VPS13A: variants seen among roughly 807,000 people sequenced by gnomAD.
VPS13A encodes intermembrane lipid transfer protein VPS13A.
In VPS13A, 264 loss-of-function variants were observed where a neutral mutation model predicts 390.9. That is an observed-to-expected ratio of 0.68 (90% CI 0.61 to 0.75). VPS13A has a LOEUF of 0.75. Ranked by LOEUF, VPS13A falls within the 30% of genes least tolerant of loss-of-function variation. The pLI, the probability that VPS13A is intolerant of heterozygous loss-of-function variation, is 0.00. For synonymous variants in VPS13A, 1,231 were observed against 1,227.1 expected, an observed-to-expected ratio of 1.00 and a Z score of -0.07; for missense variants, 3,409 against 3,733.9, an observed-to-expected ratio of 0.91 and a Z score of 2.27.
rs145416578 is a variant in VPS13A, at chr9:77,305,228, A to G, written c.3960+2166A>G. Among the ~76,000 whole-genome samples, 526 of 152,220 alleles carry G rather than the reference A, an allele frequency of 3.5e-3. 3 individuals carry two copies. Among genetic ancestry groups the G allele is most frequent in the African/African-American group, 0.012 (490 of 41,546 alleles). ...GCTGGGATTACAGGCGTGAGCCATC[A>G]CGCCTGGCCGAGATTTCAGACTTTT... On this transcript the variant is annotated intron_variant, in intron 34 of 71. Transcript: ENST00000360280.
At chr9:77,239,188 A>G (rs1234449524) in intron 19 of VPS13A, among the ~76,000 whole-genome samples, 1 of 152,050 alleles carries the variant, frequency 6.6e-6, no homozygotes, top group African/African-American at 2.4e-5. Context: ...GTTTAAAAAA[A>G]TAAATTTGGC....
At chr9:77,256,736 A>G (rs1045943310) in intron 22 of VPS13A, among the ~76,000 whole-genome samples, 20 of 152,144 alleles carry the variant, frequency 1.3e-4, no homozygotes, top group African/African-American at 4.6e-4. Context: ...CATTATCATT[A>G]TGTAATGTCC....
chr9:77,332,308 A>T (rs971105014), intron 46 of VPS13A, among the ~76,000 whole-genome samples, 195 bp downstream of exon 46: 2 of 152,022 alleles, frequency 1.3e-5, no homozygotes, highest in East Asian at 3.8e-4. Flanking sequence ...CACACTATAT[A>T]TGCTTTTCTC....
rs12343797 is a variant in VPS13A at position 77,416,228 on chromosome 9, G to A, written c.*222G>A. On this transcript the variant is annotated 3_prime_UTR_variant, in exon 72 of 72. Transcript: ENST00000360280. The stretch of plus-strand genomic sequence containing the variant: ...TATTTTAATTCTTCAGCAATTACCC[G>A]GTTTTCTAAATTGAATCATGCATCT... 91,947 of 470,936 alleles carry A rather than the reference G, an allele frequency of 0.2. 9,709 individuals carry two copies. The highest frequency in any genetic ancestry group is 0.23 in the Middle Eastern group (396 of 1,704). 29.2% of individuals were successfully genotyped at this position (470,936 alleles called of 1,614,324 possible).
chr9:77,291,781 A>G (rs1437223762), intron 31 of VPS13A, among the ~76,000 whole-genome samples: 8 of 151,992 alleles, frequency 5.3e-5, no homozygotes, highest in Admixed American at 5.2e-4. Context: ...GTTCTTGTCC[A>G]TTTTCACTCC....
At chr9:77,344,386 C>G in intron 51 of VPS13A, 105 bp downstream of exon 51, 2 of 1,252,754 alleles carry the variant, frequency 1.6e-6, no homozygotes, top group Non-Finnish European at 2.3e-6. Flanking sequence ...GTTGATTTTT[C>G]CCCTTTCCCC....
chr9:77,285,543 A>G (rs556971974), intron 31 of VPS13A, among the ~76,000 whole-genome samples: 7 of 152,316 alleles, frequency 4.6e-5, no homozygotes, highest in South Asian at 2.1e-4. Context: ...AAAAAATCCA[A>G]TTTTTAATGC....
intron 26 of VPS13A, 27 bp downstream of exon 26, chr9:77,276,248 A>G (rs551472159): frequency 1.3e-6 from 2 of 1,535,060 alleles, no homozygotes; most frequent in South Asian, 2.5e-5. Flanking sequence ...TTTAAAATAA[A>G]TAAATTAATT....
At chr9:77,254,365 A>G (rs1419351112) in intron 22 of VPS13A, among the ~76,000 whole-genome samples, 1 of 151,986 alleles carries the variant, frequency 6.6e-6, no homozygotes, top group Non-Finnish European at 1.5e-5. Flanking sequence ...GCAAGAGCTT[A>G]TTTTTGGGCT....
At chr9:77,393,982 G>A (rs1362505970) in intron 68 of VPS13A, among the ~76,000 whole-genome samples, 1 of 151,452 alleles carries the variant, frequency 6.6e-6, no homozygotes, top group East Asian at 2.0e-4. Flanking sequence ...TGGCCAGGCT[G>A]GGGACGATCT....
intron 17 of VPS13A, among the ~76,000 whole-genome samples, chr9:77,237,010 C>T (rs561842689): frequency 6.6e-6 from 1 of 152,266 alleles, no homozygotes; most frequent in East Asian, 1.9e-4. Flanking sequence ...CTGCCTCAGG[C>T]TCCCGAGTAG....
chr9:77,385,082 G>GT (rs1010966302), intron 68 of VPS13A: 86 of 990,472 alleles, frequency 8.7e-5, no homozygotes, highest in Non-Finnish European at 1.0e-4. Context: ...ATGCCACTGT[G>GT]TAAAAAAAAA....
rs1042385340 is a variant in VPS13A, at chr9:77,351,585, A to G, written c.7419+139A>G. ...CATGAGTTGGAGATCAGCCTGGCCA[A>G]TAAGGTGAAACCCTGTCTCTCCTAA... is the stretch of plus-strand genomic sequence containing the variant. On this transcript the variant is annotated intron_variant, in intron 53 of 71. Coordinates refer to ENST00000360280, the MANE Select transcript of VPS13A (RefSeq NM_033305.3). 30 of 1,097,170 alleles carry G rather than the reference A, an allele frequency of 2.7e-5. No homozygotes were observed. In the African/African-American group the frequency reaches 3.1e-4, roughly 11 times the overall value. The allele number at this position is 1,097,170 out of a possible 1,614,324, so 68.0% of individuals were successfully genotyped here.
At chr9:77,223,811 T>G (rs530700905) in intron 13 of VPS13A, among the ~76,000 whole-genome samples, 1 of 152,172 alleles carries the variant, frequency 6.6e-6, no homozygotes, top group Non-Finnish European at 1.5e-5. Flanking sequence ...AAGGTGGCTA[T>G]ACTAAACAGA....
chr9:77,296,429 C>T (rs138192501), intron 33 of VPS13A, among the ~76,000 whole-genome samples: 2 of 152,218 alleles, frequency 1.3e-5, no homozygotes, highest in African/African-American at 4.8e-5. Context: ...CAACTTGAAT[C>T]CTTCTCTATT....
chr9:77,186,674 A>C (rs1215369669), intron 1 of VPS13A, among the ~76,000 whole-genome samples: 1 of 152,064 alleles, frequency 6.6e-6, no homozygotes, highest in Non-Finnish European at 1.5e-5. Flanking sequence ...TTGACCTAGT[A>C]ATCTGCCCGC....
At chr9:77,388,957 A>G (rs1172254017) in intron 68 of VPS13A, among the ~76,000 whole-genome samples, 1 of 152,182 alleles carries the variant, frequency 6.6e-6, no homozygotes, top group Non-Finnish European at 1.5e-5. Flanking sequence ...ATTGATTCTC[A>G]GTTGACAACT....
intron 45 of VPS13A, among the ~76,000 whole-genome samples, chr9:77,324,949 G>A (rs143761750): frequency 1.3e-5 from 2 of 152,220 alleles, no homozygotes; most frequent in South Asian, 2.1e-4. Flanking sequence ...ATTTTTCCAC[G>A]GGTGGGGGGC....
In VPS13A at chr9:77,276,111, TG is replaced by T. The variant is rs1185750493; in HGVS notation, c.2716del (p.Val906Ter). 5.6e-6 allele frequency: 9 copies of T among 1,613,214 alleles called. No individual in the cohort carries two copies. Among genetic ancestry groups the T allele is most frequent in the Non-Finnish European group, 7.6e-6 (9 of 1,179,744 alleles). ...YHLVGDCELS[V>X]VEILVLGLGA... ...CTTGTTGGAGATTGTGAACTATCTG[TG>T]GTAGAAATTCTTGTTTTAGGATTGG... On this transcript the variant is annotated frameshift_variant, in exon 26 of 72. Coordinates refer to ENST00000360280, the MANE Select transcript of VPS13A (RefSeq NM_033305.3). LOFTEE classifies it high-confidence loss of function.
Sources: gnomAD v4.1 joint callset for allele counts (sites outside exome capture counted in the v4.1 genomes callset) on GRCh38, gnomAD v4.1.1 for gene constraint, MANE v1.5 for transcripts, NCBI Gene and HGNC (gene_info 2026-07-23, HGNC 2026-07-21) for gene names.